RAP1GAP2: variants seen among roughly 807,000 people sequenced by gnomAD.
The protein encoded by RAP1GAP2 is RAP1 GTPase activating protein 2.
Under a neutral mutation model 95.0 loss-of-function variants are expected in RAP1GAP2, and 27 were observed. The observed-to-expected ratio is 0.28, with a 90% CI of 0.21 to 0.39. RAP1GAP2 has a LOEUF of 0.39. Among genes scored for constraint, RAP1GAP2 ranks in the 10% least tolerant of loss-of-function variants. The probability of loss-of-function intolerance (pLI) is 1.00; values close to 1 mark genes in which losing one functional copy is unlikely to be tolerated. For missense variants in RAP1GAP2, 771 were observed against 970.0 expected (o/e 0.79, Z 2.72); for synonymous variants, 373 against 380.9 (o/e 0.98, Z 0.24).
At chr17:2,785,723 C>T (rs541840532) in intron 1 of RAP1GAP2, among the ~76,000 whole-genome samples, 1 of 152,186 alleles carries the variant, frequency 6.6e-6, no homozygotes, top group Admixed American at 6.5e-5. Context: ...TCTGCCGATG[C>T]TCCCGGCCGA....
intron 2 of RAP1GAP2, among the ~76,000 whole-genome samples, chr17:2,852,788 C>T (rs1048296361): frequency 1.9e-4 from 29 of 151,994 alleles, no homozygotes; most frequent in Admixed American, 1.4e-3. Context: ...GGCTGGGCAG[C>T]ACCTGGAAGT....
At chr17:2,793,417 G>A (rs1421176974), upstream of RAP1GAP2, among the ~76,000 whole-genome samples, 4 of 152,198 alleles carry the variant, frequency 2.6e-5, no homozygotes, top group East Asian at 7.7e-4. Context: ...GTCTCCCAAA[G>A]TGTTGGGATT....
chr17:2,980,234 C>G (rs2045306758), intron 8 of RAP1GAP2, 53 bp from the exon 9 acceptor site: 7 of 1,567,998 alleles, frequency 4.5e-6, no homozygotes, highest in Non-Finnish European at 6.1e-6. Flanking sequence ...CGAGTCCCCG[C>G]GCCCTCACTG....
At chr17:3,009,704 G>C (rs1327835377) in intron 17 of RAP1GAP2, among the ~76,000 whole-genome samples, 2 of 152,198 alleles carry the variant, frequency 1.3e-5, no homozygotes, top group African/African-American at 4.8e-5. Flanking sequence ...GAGCTGAGCT[G>C]CTTGTCCAGG....
chr17:3,016,455 T>G (rs2046770150), intron 17 of RAP1GAP2, among the ~76,000 whole-genome samples: 1 of 152,202 alleles, frequency 6.6e-6, no homozygotes, highest in African/African-American at 2.4e-5. Context: ...CAGATAATAT[T>G]CGTGTCCAGG....
intron 4 of RAP1GAP2, among the ~76,000 whole-genome samples, chr17:2,961,170 TC>T (rs1489394654): frequency 6.7e-6 from 1 of 148,170 alleles, no homozygotes; most frequent in African/African-American, 2.5e-5. Flanking sequence ...TGAACCGAGA[TC>T]CCACCACTGC....
At chr17:2,822,751 A>C (rs2070366789) in intron 2 of RAP1GAP2, among the ~76,000 whole-genome samples, 1 of 150,924 alleles carries the variant, frequency 6.6e-6, no homozygotes, top group South Asian at 2.1e-4. Context: ...ACATGTGCAC[A>C]ACGTGCAGGT....
intron 2 of RAP1GAP2, among the ~76,000 whole-genome samples, chr17:2,875,810 C>T (rs968632817): frequency 3.3e-5 from 5 of 152,008 alleles, no homozygotes; most frequent in African/African-American, 9.7e-5. Context: ...TGGTGATCTC[C>T]GCTTGGACAT....
At chr17:2,905,216 G>T (rs2042161373) in intron 2 of RAP1GAP2, 68 bp from the exon 3 acceptor site, 2 of 1,439,810 alleles carry the variant, frequency 1.4e-6, no homozygotes, top group African/African-American at 2.8e-5. Flanking sequence ...CGAGAGCCCA[G>T]TCACTCTTGG....
At chr17:2,907,117 A>C (rs1163078497) in intron 3 of RAP1GAP2, among the ~76,000 whole-genome samples, 1 of 152,190 alleles carries the variant, frequency 6.6e-6, no homozygotes, top group African/African-American at 2.4e-5. Context: ...AGTTCTAACA[A>C]AGTCCCAGGG....
At chr17:2,991,133 C>T (rs2045737546) in intron 11 of RAP1GAP2, among the ~76,000 whole-genome samples, 164 bp from the exon 12 acceptor site, 1 of 152,104 alleles carries the variant, frequency 6.6e-6, no homozygotes, top group African/African-American at 2.4e-5. Context: ...CTCCATCAGT[C>T]CCTCCTCTCT....
intron 11 of RAP1GAP2, among the ~76,000 whole-genome samples, chr17:2,985,335 C>T (rs1168689696): frequency 5.3e-5 from 8 of 151,664 alleles, no homozygotes; most frequent in African/African-American, 1.9e-4. Context: ...TCGTCTTCTA[C>T]GTATTTATGG....
In RAP1GAP2 at chr17:2,963,888, C is replaced by A; in HGVS notation, c.312C>A (p.Val104=). 3.7e-6 allele frequency: 6 copies of A among 1,612,346 alleles called. No individual in the cohort carries two copies. Among genetic ancestry groups the A allele is most frequent in the Non-Finnish European group, 5.1e-6 (6 of 1,179,306 alleles). ...VVEKGGPYPQ[V]ILPQFGGYWI... ...AGAAGGGAGGCCCGTACCCTCAGGT[C>A]ATCCTGCCACAGTTTGGGGGCTATT... is the stretch of plus-strand genomic sequence containing the variant. Residue 104 remains valine (V), a synonymous_variant, in exon 7 of 25, where the codon GTC becomes GTA. Coordinates refer to ENST00000254695, the MANE Select transcript of RAP1GAP2 (RefSeq NM_015085.5). This position sits in a 1 kb window ranked among gnomAD's most constrained non-coding sequence, Gnocchi z 4.8.
At chr17:2,808,976 T>C (rs2069640121) in intron 2 of RAP1GAP2, among the ~76,000 whole-genome samples, 1 of 152,120 alleles carries the variant, frequency 6.6e-6, no homozygotes, top group Non-Finnish European at 1.5e-5. Flanking sequence ...GGGGCGTGCG[T>C]GGCTGCAGGG....
chr17:2,951,410 A>G (rs1437142602), intron 3 of RAP1GAP2, among the ~76,000 whole-genome samples: 2 of 152,142 alleles, frequency 1.3e-5, no homozygotes, highest in African/African-American at 4.8e-5. Flanking sequence ...GAATTCTTTG[A>G]TGCTTCTCTC....
Position 3,008,193 on chromosome 17 carries a change from G to A in RAP1GAP2, c.1494+48G>A. ...TGGTTGCTGTGGGGTTGGGATTGGGGAAGAAAGGAAGTGGTCCAAGGTCCA... is the reference window on the plus strand; with the variant it reads ...TGGTTGCTGTGGGGTTGGGATTGGGAAAGAAAGGAAGTGGTCCAAGGTCCA... On this transcript the variant is annotated intron_variant, in intron 17 of 24. Coordinates refer to ENST00000254695, the MANE Select transcript of RAP1GAP2 (RefSeq NM_015085.5). This position sits in a 1 kb window ranked among gnomAD's most constrained non-coding sequence, Gnocchi z 4.2. The A allele has an allele frequency of 1.9e-6, 3 of 1,609,602 alleles. No individual in the cohort carries two copies. Among genetic ancestry groups the A allele is most frequent in the Admixed American group, 1.7e-5 (1 of 59,836 alleles).
At chr17:2,977,078 A>T (rs1031839726) in intron 8 of RAP1GAP2, among the ~76,000 whole-genome samples, 6 of 151,280 alleles carry the variant, frequency 4.0e-5, no homozygotes, top group African/African-American at 1.5e-4. Flanking sequence ...CGGAGGTTGC[A>T]GTGAGCCGAG....
rs933315980 is a variant in RAP1GAP2 at position 2,888,825 on chromosome 17, T to C, written c.81-16459T>C. 8.4e-4 allele frequency among the ~76,000 whole-genome samples: 127 copies of C among 151,430 alleles called. 1 individual carries two copies. The highest frequency in any genetic ancestry group is 3.0e-3 in the African/African-American group (123 of 41,314). On this transcript the variant is annotated intron_variant, in intron 2 of 24. Transcript: ENST00000254695. The stretch of plus-strand genomic sequence containing the variant: ...ACCACCACGCCCAGCTAATTTTTTT[T>C]TTTTTTTTTTGTATTTTAGCAGAGG...
At chr17:2,776,622 G>A (rs1333729394), upstream of RAP1GAP2, among the ~76,000 whole-genome samples, 1 of 151,760 alleles carries the variant, frequency 6.6e-6, no homozygotes. Context: ...CGCCCCGGGT[G>A]GCGGAGGCGC....
Sources: allele counts gnomAD v4.1 joint callset (sites outside exome capture counted in the v4.1 genomes callset), GRCh38; gene constraint gnomAD v4.1.1; non-coding constraint Gnocchi (gnomAD v3.1); transcripts MANE v1.5; gene names NCBI Gene and HGNC (gene_info 2026-07-23, HGNC 2026-07-21).